ZACN: variants seen among roughly 807,000 people sequenced by gnomAD.
ZACN encodes zinc activated ion channel, also known as ligand-gated cation channel ZACN.
A neutral mutation model predicts 38.9 loss-of-function variants in ZACN; 52 were observed. That is an observed-to-expected ratio of 1.34 (90% CI 1.07 to 1.68). The LOEUF (loss-of-function observed/expected upper bound fraction) is 1.68, where lower values mean the gene tolerates loss of function less well. Among genes scored for constraint, ZACN ranks in the 40% most tolerant of loss-of-function variants. ZACN has a pLI of 0.00. For synonymous variants in ZACN, 235 were observed against 227.4 expected (o/e 1.03, Z -0.30); for missense variants, 559 against 525.6 (o/e 1.06, Z -0.62).
chr17:76,079,917 C>T lies in ZACN; in HGVS notation c.297C>T (p.Asn99=). 1 of 1,599,744 alleles carries T rather than the reference C, an allele frequency of 6.3e-7. No individual in the cohort carries two copies. The highest frequency in any genetic ancestry group is 8.5e-7 in the Non-Finnish European group (1 of 1,173,092). Residue 99 remains asparagine, a synonymous_variant, in exon 4 of 9, where the codon AAC becomes AAT. Coordinates refer to ENST00000334586, the MANE Select transcript of ZACN (RefSeq NM_180990.4). Reference sequence around the variant, plus strand: ...GGCTGGACACTCGCCTGGCCTGGAACACTAGTGCACACCCGCGGCACGCCA... The same window carrying T: ...GGCTGGACACTCGCCTGGCCTGGAATACTAGTGCACACCCGCGGCACGCCA... ...LSWLDTRLAW[N]TSAHPRHAIT...
chr17:76,080,677 T>C (rs1242741809), intron 5 of ZACN: 3 of 639,852 alleles, frequency 4.7e-6, no homozygotes, highest in Admixed American at 4.2e-5. Flanking sequence ...AGGGCCCCTC[T>C]CTAGGGTGAC....
At position 76,079,472 on chromosome 17, in the gene ZACN, A is replaced by C. The variant is rs1382704894; in HGVS notation, c.131A>C (p.Lys44Thr). The C allele has an allele frequency of 1.2e-6, 2 of 1,614,058 alleles. No homozygotes were observed. Among genetic ancestry groups the C allele is most frequent in the Non-Finnish European group, 1.7e-6 (2 of 1,180,030 alleles). The change falls in exon 2 of 9, where the codon AAG (lysine) becomes ACG (threonine). Residue 44 changes from lysine to threonine, a missense_variant. Lys to Thr is a moderately conservative substitution (Grantham distance 78). Transcript: ENST00000334586. ...WPSLFNVNLS[K>T]KVQESIQIPN... ...TCCCTCTTCAACGTCAACTTGTCCA[A>C]GAAGGTTCAGGAAAGCATCCAGATC...
Position 76,081,336 on chromosome 17 carries a change from A to G in ZACN, c.603A>G (p.Glu201=). ...VVNEIVSVKR[E]YVVYDLKTQV... ...ACGAGATTGTGAGTGTCAAGAGGGA[A>G]TACGTAGTTTATGATCTGAAGACCC... Residue 201 remains glutamate, a synonymous_variant, in exon 6 of 9, where the codon GAA becomes GAG. Transcript: ENST00000334586. The G allele has an allele frequency of 6.2e-7, 1 of 1,614,112 alleles. No homozygotes were observed. Among genetic ancestry groups the G allele is most frequent in the Non-Finnish European group, 8.5e-7 (1 of 1,180,008 alleles).
rs374650693 is a variant in ZACN at position 76,081,396 on chromosome 17, G to C, written c.663G>C (p.Gln221His). The change falls in exon 6 of 9, where the codon CAG becomes CAC. Residue 221 changes from glutamine (Q) to histidine (H), a missense_variant. Coordinates refer to ENST00000334586, the MANE Select transcript of ZACN (RefSeq NM_180990.4). Reference sequence around the variant, plus strand: ...CCCAGCAGCTGGTGCCCTGCTTCCAGGTGACGGTGAGTCAAGTCGGGAGGA... The same window carrying C: ...CCCAGCAGCTGGTGCCCTGCTTCCACGTGACGGTGAGTCAAGTCGGGAGGA... ...VPPQQLVPCF[Q>H]VTLRLKNTAL... 3.2e-5 allele frequency: 52 copies of C among 1,614,002 alleles called. No individual in the cohort carries two copies. The African/African-American group carries it at 4.9e-4, about 15-fold the overall frequency.
chr17:76,079,470 CAAG>C lies in ZACN; in HGVS notation c.133_135del (p.Lys45del), dbSNP rs1332080037. On this transcript the variant is annotated inframe_deletion, in exon 2 of 9. Transcript: ENST00000334586. Reference sequence around the variant, plus strand: ...CATCCCTCTTCAACGTCAACTTGTCCAAGAAGGTTCAGGAAAGCATCCAGATCC... The same window carrying C: ...CATCCCTCTTCAACGTCAACTTGTCCAAGGTTCAGGAAAGCATCCAGATCC... 6.2e-7 allele frequency: 1 copy of C among 1,614,156 alleles called. No individual in the cohort carries two copies. The highest frequency in any genetic ancestry group is 8.5e-7 in the Non-Finnish European group (1 of 1,180,034).
chr17:76,082,715 G>C lies in ZACN; in HGVS notation c.*62G>C. 6.7e-7 allele frequency: 1 copy of C among 1,492,154 alleles called. No individual in the cohort carries two copies. Among genetic ancestry groups the C allele is most frequent in the East Asian group, 2.4e-5 (1 of 42,338 alleles). 92.4% of individuals were successfully genotyped at this position (1,492,154 alleles called of 1,614,324 possible). ...TTTGCTTTCCCATGGCTGGGGGCGG[G>C]CCATGACAGGGCCTCTGGATTAAGC... is the stretch of plus-strand genomic sequence containing the variant. On this transcript the variant is annotated 3_prime_UTR_variant, in exon 9 of 9. Coordinates refer to ENST00000334586, the MANE Select transcript of ZACN (RefSeq NM_180990.4).
In ZACN at chr17:76,082,010, C is replaced by T. The variant is rs1230829163; in HGVS notation, c.1009C>T (p.Gln337Ter). 6.2e-7 allele frequency: 1 copy of T among 1,611,380 alleles called. No individual in the cohort carries two copies. Among genetic ancestry groups the T allele is most frequent in the Non-Finnish European group, 8.5e-7 (1 of 1,179,420 alleles). ...CCCCAGCCCAGCCCCGAGAGGGGAA[C>T]AGCGAGAGCACGGCAACCCAGGGCC... ...SGPSPAPRGE[Q>*]REHGNPGPHP... Residue 337 changes from glutamine (Q) to a stop codon, truncating the protein, a stop_gained, in exon 8 of 9, where the codon CAG becomes TAG. Coordinates refer to ENST00000334586, the MANE Select transcript of ZACN (RefSeq NM_180990.4). LOFTEE classifies it low-confidence loss of function (END_TRUNC).
intron 4 of ZACN, 82 bp from the exon 5 acceptor site, chr17:76,080,173 G>T: frequency 6.6e-7 from 1 of 1,509,044 alleles, no homozygotes; most frequent in South Asian, 1.3e-5. Context: ...AGCAGCTGGG[G>T]TTGGGGTTGG....
rs1051091170 is a variant in ZACN, at chr17:76,079,227, T to C, written c.-38T>C. On this transcript the variant is annotated 5_prime_UTR_variant, in exon 1 of 9. Transcript: ENST00000334586. ...AGTGACTGGAATAGAGGTTGTAGCTTAGGCACCGCTGCTCCCTCCAGTCCC... is the reference window on the plus strand; with the variant it reads ...AGTGACTGGAATAGAGGTTGTAGCTCAGGCACCGCTGCTCCCTCCAGTCCC... 4.5e-6 allele frequency: 7 copies of C among 1,565,442 alleles called. No homozygotes were observed. The highest frequency in any genetic ancestry group is 6.1e-6 in the Non-Finnish European group (7 of 1,149,678).
chr17:76,082,094 C>T (rs2067008117), intron 8 of ZACN, 45 bp downstream of exon 8: 1 of 1,548,100 alleles, frequency 6.5e-7, no homozygotes, highest in Non-Finnish European at 8.7e-7. Context: ...AGGTGCACAC[C>T]TAGGGCTGGG....
rs561295093 is a variant in ZACN at position 76,082,068 on chromosome 17, G to A, written c.1048+19G>A. 1 of 1,585,930 alleles carries A rather than the reference G, an allele frequency of 6.3e-7. No individual in the cohort carries two copies. The highest frequency in any genetic ancestry group is 1.1e-5 in the South Asian group (1 of 88,212). ...GCTGAAGGTGGGCAGGGGCTGGGGG[G>A]TAAGGAATGAGGCCTAGGTGCACAC... On this transcript the variant is annotated intron_variant, in intron 8 of 8. Coordinates refer to ENST00000334586, the MANE Select transcript of ZACN (RefSeq NM_180990.4).
At position 76,079,514 on chromosome 17, in the gene ZACN, C is replaced by T. The variant is rs374780083; in HGVS notation, c.173C>T (p.Ala58Val). ...ATCCAGATCCCGAACAATGGGAGTG[C>T]GCCCCTGCTCGTGGATGTGCGGGTG... ...ESIQIPNNGSAPLLVDVRVFV... is the reference protein window; with the variant it reads ...ESIQIPNNGSVPLLVDVRVFV... The change falls in exon 2 of 9, where the codon GCG (alanine) becomes GTG (valine). Residue 58 changes from alanine (A) to valine (V), a missense_variant. Transcript: ENST00000334586. 2.9e-5 allele frequency: 47 copies of T among 1,614,072 alleles called. No homozygotes were observed. The highest frequency in any genetic ancestry group is 9.3e-5 in the African/African-American group (7 of 74,918).
chr17:76,080,643 A>G (rs1000650918), intron 5 of ZACN: 1 of 705,850 alleles, frequency 1.4e-6, no homozygotes, highest in South Asian at 1.5e-5. Flanking sequence ...GTGGCAGCCC[A>G]TCTCTGTGCT....
At chr17:76,080,067 G>A in intron 4 of ZACN, 73 bp downstream of exon 4, 1 of 1,508,060 alleles carries the variant, frequency 6.6e-7, no homozygotes, top group Non-Finnish European at 9.0e-7. Flanking sequence ...CAACCTAGAG[G>A]CTGTCTGAGT....
chr17:76,082,043 G>C lies in ZACN; in HGVS notation c.1042G>C (p.Ala348Pro). Reference sequence around the variant, plus strand: ...GCACGGCAACCCAGGGCCTCATCCTGCTGAAGGTGGGCAGGGGCTGGGGGG... The same window carrying C: ...GCACGGCAACCCAGGGCCTCATCCTCCTGAAGGTGGGCAGGGGCTGGGGGG... ...REHGNPGPHPAEEPSRGVKGS... is the reference protein window; with the variant it reads ...REHGNPGPHPPEEPSRGVKGS... Residue 348 changes from alanine (A) to proline (P), a missense_variant, in exon 8 of 9, where the codon GCT (alanine) becomes CCT (proline). Physicochemically the swap from Ala to Pro is conservative, Grantham distance 27. Transcript: ENST00000334586. 1.2e-6 allele frequency: 2 copies of C among 1,606,828 alleles called. No individual in the cohort carries two copies. The highest frequency in any genetic ancestry group is 1.7e-6 in the Non-Finnish European group (2 of 1,177,394).
At chr17:76,080,171 G>C in intron 4 of ZACN, 84 bp from the exon 5 acceptor site, 2 of 1,504,708 alleles carry the variant, frequency 1.3e-6, no homozygotes, top group Non-Finnish European at 8.9e-7. Context: ...AAAGCAGCTG[G>C]GGTTGGGGTT....
rs373025810 is a variant in ZACN, at chr17:76,082,457, C to T, written c.1049-6C>T. Reference sequence around the variant, plus strand: ...ACAGCTCCTTTCCCTGTATCTCTCCCCACAGAGCCCTCCAGAGGAGTAAAG... The same window carrying T: ...ACAGCTCCTTTCCCTGTATCTCTCCTCACAGAGCCCTCCAGAGGAGTAAAG... On this transcript the variant is annotated splice_region_variant and splice_polypyrimidine_tract_variant and intron_variant, in intron 8 of 8. Coordinates refer to ENST00000334586, the MANE Select transcript of ZACN (RefSeq NM_180990.4). 7.2e-5 allele frequency: 115 copies of T among 1,602,502 alleles called. No homozygotes were observed. Among genetic ancestry groups the T allele is most frequent in the East Asian group, 1.1e-4 (5 of 44,714 alleles).
At chr17:76,080,923 C>T (rs2066945996) in intron 5 of ZACN, 2 of 421,442 alleles carry the variant, frequency 4.7e-6, no homozygotes, top group East Asian at 6.7e-5. Context: ...CCTACCCTTC[C>T]CTCCATGAGA....
chr17:76,079,842 G>A, intron 3 of ZACN, 46 bp from the exon 4 acceptor site: 2 of 1,594,164 alleles, frequency 1.3e-6, no homozygotes, highest in East Asian at 2.3e-5. Context: ...TTAGGGGCAT[G>A]GATATGTGGA....
Sources: gnomAD v4.1 joint callset for allele counts on GRCh38, gnomAD v4.1.1 for gene constraint, MANE v1.5 for transcripts, NCBI Gene and HGNC (gene_info 2026-07-23, HGNC 2026-07-21) for gene names.